Variants in EYA2 observed in about 807,000 individuals in gnomAD.
EYA2 encodes EYA transcriptional coactivator and phosphatase 2, also known as protein phosphatase EYA2.
Under a neutral mutation model 69.2 loss-of-function variants are expected in EYA2, and 31 were observed. The observed-to-expected ratio is 0.45, with a 90% CI of 0.34 to 0.60. The LOEUF is 0.60. EYA2 is among the 20% of genes least tolerant of loss of function. The pLI is 0.02. For missense variants in EYA2, 622 were observed against 701.2 expected (o/e 0.89, Z 1.28); for synonymous variants, 257 against 279.4 (o/e 0.92, Z 0.80).
intron 5 of EYA2, among the ~76,000 whole-genome samples, chr20:47,045,949 G>A (rs557351957): frequency 5.9e-4 from 90 of 152,062 alleles, no homozygotes; most frequent in Non-Finnish European, 9.6e-4. Context: ...TCTTCTATAC[G>A]ACAGCTAACA....
At chr20:46,935,461 G>C (rs1318806060) in intron 1 of EYA2, among the ~76,000 whole-genome samples, 1 of 152,140 alleles carries the variant, frequency 6.6e-6, no homozygotes, top group Non-Finnish European at 1.5e-5. Flanking sequence ...AAATGACGAT[G>C]TTATTAATTA....
At chr20:47,089,089 C>G in intron 7 of EYA2, 150 bp from the exon 8 acceptor site, 1 of 848,136 alleles carries the variant, frequency 1.2e-6, no homozygotes, top group Non-Finnish European at 1.8e-6. Flanking sequence ...AAGGGACTTC[C>G]AAGGGCAGTT....
intron 8 of EYA2, among the ~76,000 whole-genome samples, chr20:47,093,487 G>A (rs781452819): frequency 3.9e-5 from 6 of 152,210 alleles, no homozygotes; most frequent in Non-Finnish European, 8.8e-5. Flanking sequence ...TCAGCTCTGC[G>A]GCTCCTGCTG....
chr20:47,089,221 T>C lies in EYA2; in HGVS notation c.662-18T>C, dbSNP rs1327985184. ...AGCAAAGCTTCTGATTTGTCCACCATTCCCTTTCTTACGCCAGGTGAATAC... is the reference window on the plus strand; with the variant it reads ...AGCAAAGCTTCTGATTTGTCCACCACTCCCTTTCTTACGCCAGGTGAATAC... On this transcript the variant is annotated intron_variant, in intron 7 of 15. Coordinates refer to ENST00000327619, the MANE Select transcript of EYA2 (RefSeq NM_005244.5). 6.2e-7 allele frequency: 1 copy of C among 1,612,638 alleles called. No homozygotes were observed. Among genetic ancestry groups the C allele is most frequent in the Admixed American group, 1.7e-5 (1 of 59,888 alleles).
At chr20:47,043,573 A>G (rs6012102) in intron 5 of EYA2, among the ~76,000 whole-genome samples, 136,307 of 152,260 alleles carry the variant, frequency 0.9, 61,663 homozygotes, top group Non-Finnish European at 0.96. Context: ...GACCTGGCCT[A>G]ACTTTGCACT....
At chr20:46,922,077 C>A (rs1985203145) in intron 1 of EYA2, among the ~76,000 whole-genome samples, 2 of 152,326 alleles carry the variant, frequency 1.3e-5, no homozygotes, top group South Asian at 2.1e-4. Flanking sequence ...AGAAGGGAAG[C>A]AAGTTGAGGC....
At chr20:46,961,700 A>G (rs551887751) in intron 1 of EYA2, among the ~76,000 whole-genome samples, 52 of 152,362 alleles carry the variant, frequency 3.4e-4, no homozygotes, top group African/African-American at 1.2e-3. Context: ...ATAAAAAGGA[A>G]CAAATCCTGC....
intron 1 of EYA2, among the ~76,000 whole-genome samples, chr20:46,935,050 G>C (rs1019551178): frequency 2.0e-5 from 3 of 152,242 alleles, no homozygotes; most frequent in African/African-American, 7.2e-5. Flanking sequence ...TGGAGACGCT[G>C]AGTCTGGAGG....
intron 10 of EYA2, among the ~76,000 whole-genome samples, chr20:47,152,547 C>T (rs1371406672): frequency 5.3e-5 from 8 of 151,936 alleles, no homozygotes; most frequent in East Asian, 3.9e-4. Context: ...CATGGTGGCT[C>T]ACGCCAGTAA....
At chr20:46,923,689 G>T (rs183957753) in intron 1 of EYA2, among the ~76,000 whole-genome samples, 302 of 152,278 alleles carry the variant, frequency 2.0e-3, no homozygotes, top group African/African-American at 7.1e-3. Context: ...ATACACGTGT[G>T]CTGGGTGTGT....
chr20:47,096,187 C>T (rs1422745672), intron 8 of EYA2: 4 of 152,156 alleles, frequency 2.6e-5, no homozygotes, highest in Non-Finnish European at 5.9e-5. Flanking sequence ...TAGGGGCATT[C>T]TCCTTAAAAT....
chr20:46,940,853 G>C (rs1039922806), intron 1 of EYA2, among the ~76,000 whole-genome samples: 1 of 152,232 alleles, frequency 6.6e-6, no homozygotes, highest in Non-Finnish European at 1.5e-5. Flanking sequence ...GAGGGGAACA[G>C]TGCTTGCCAT....
intron 8 of EYA2, 46 bp downstream of exon 8, chr20:47,089,427 C>A: frequency 6.4e-7 from 1 of 1,571,400 alleles, no homozygotes. Flanking sequence ...TAATCTCCAT[C>A]TGAGGCCCAA....
At chr20:47,164,133 G>GC (rs1265216730) in intron 10 of EYA2, among the ~76,000 whole-genome samples, 1 of 152,160 alleles carries the variant, frequency 6.6e-6, no homozygotes, top group Non-Finnish European at 1.5e-5. Context: ...GGATGGCAGC[G>GC]CTGAGGGTCG....
intron 10 of EYA2, among the ~76,000 whole-genome samples, chr20:47,167,931 A>T (rs1600764122): frequency 6.6e-6 from 1 of 152,048 alleles, no homozygotes; most frequent in South Asian, 2.1e-4. Flanking sequence ...GATCCAGGGG[A>T]TCAGATCGCA....
intron 15 of EYA2, among the ~76,000 whole-genome samples, chr20:47,187,542 C>T (rs527952304): frequency 6.6e-6 from 1 of 152,298 alleles, no homozygotes; most frequent in Admixed American, 6.5e-5. Context: ...ACAGTGGAGA[C>T]TGTCAATGCT....
At chr20:47,061,100 C>A (rs1382792407) in intron 5 of EYA2, among the ~76,000 whole-genome samples, 1 of 152,026 alleles carries the variant, frequency 6.6e-6, no homozygotes, top group Non-Finnish European at 1.5e-5. Context: ...GTGATCCACC[C>A]ACCTTGGCCT....
In EYA2 at chr20:47,136,035, A is replaced by G. The variant is rs547678694; in HGVS notation, c.889-7024A>G. 8.6e-5 allele frequency among the ~76,000 whole-genome samples: 13 copies of G among 152,028 alleles called. No homozygotes were observed. In the South Asian group the frequency reaches 2.5e-3, roughly 29 times the overall value. Reference sequence around the variant, plus strand: ...ACCTGTCTCAAAAAAGAAAAGAAAGAAACAGAAAACTTGGAAAATCCAGGA... The same window carrying G: ...ACCTGTCTCAAAAAAGAAAAGAAAGGAACAGAAAACTTGGAAAATCCAGGA... On this transcript the variant is annotated intron_variant, in intron 9 of 15. Coordinates refer to ENST00000327619, the MANE Select transcript of EYA2 (RefSeq NM_005244.5).
chr20:47,167,332 C>A (rs3091675), intron 10 of EYA2, among the ~76,000 whole-genome samples: 82,011 of 143,318 alleles, frequency 0.57, 23,957 homozygotes, highest in African/African-American at 0.68. Context: ...CCCAGGCTGG[C>A]GTGCAGTGGT....
Sources: allele counts gnomAD v4.1 joint callset (sites outside exome capture counted in the v4.1 genomes callset), GRCh38; gene constraint gnomAD v4.1.1; transcripts MANE v1.5; gene names NCBI Gene and HGNC (gene_info 2026-07-23, HGNC 2026-07-21).